PCDHGA11: variants seen among roughly 807,000 people sequenced by gnomAD.
PCDHGA11 encodes protocadherin gamma-A11.
Under a neutral mutation model 60.4 loss-of-function variants are expected in PCDHGA11, and 39 were observed. That is an observed-to-expected ratio of 0.65 (90% CI 0.50 to 0.84). The LOEUF (loss-of-function observed/expected upper bound fraction) is 0.84, where lower values mean the gene tolerates loss of function less well. Ranked by LOEUF, PCDHGA11 falls within the 40% of genes least tolerant of loss-of-function variation. The probability of loss-of-function intolerance (pLI) is 0.00; values close to 1 mark genes in which losing one functional copy is unlikely to be tolerated. For synonymous variants in PCDHGA11, 533 were observed against 510.3 expected (o/e 1.04, Z -0.60); for missense variants, 1,165 against 1,197.7 (o/e 0.97, Z 0.40).
At chr5:141,449,723 GA>G (rs1432635918) in intron 1 of PCDHGA11, among the ~76,000 whole-genome samples, 2 of 150,880 alleles carry the variant, frequency 1.3e-5, no homozygotes, top group Admixed American at 6.6e-5. Flanking sequence ...TATATGATAT[GA>G]TTTTTTTATG....
At chr5:141,438,136 A>C (rs2097931548) in intron 1 of PCDHGA11, among the ~76,000 whole-genome samples, 1 of 152,186 alleles carries the variant, frequency 6.6e-6, no homozygotes, top group Non-Finnish European at 1.5e-5. Flanking sequence ...TAATGGCAAA[A>C]GATAGCCAGC....
chr5:141,459,687 G>A (rs191874235), intron 1 of PCDHGA11, among the ~76,000 whole-genome samples: 15 of 152,278 alleles, frequency 9.9e-5, no homozygotes, highest in Admixed American at 2.0e-4. Context: ...TGCATAAAGC[G>A]TTCCGCTTGC....
rs1299979776 is a variant in PCDHGA11 at position 141,512,453 on chromosome 5, G to GC, written c.*1282dup. On this transcript the variant is annotated 3_prime_UTR_variant, in exon 4 of 4. Transcript: ENST00000398587. ...TCCTGAAGCCTCAGTCCTTCACCTT[G>GC]CCAGGTGCCGTTTCTCTTCCGTGAA... The GC allele has an allele frequency of 6.5e-6, 1 of 152,880 alleles. No homozygotes were observed. The allele number at this position is 152,880 out of a possible 1,614,324, so 9.5% of individuals were successfully genotyped here.
intron 1 of PCDHGA11, chr5:141,427,536 G>A (rs758610182): frequency 4.8e-6 from 3 of 626,396 alleles, no homozygotes; most frequent in Middle Eastern, 2.5e-4. Flanking sequence ...GGAGTACAAC[G>A]TCACCATCAC....
Position 141,491,307 on chromosome 5 carries a change from C to CCTTA in PCDHGA11, c.2434-3498_2434-3495dup. On this transcript the variant is annotated intron_variant, in intron 1 of 3. Transcript: ENST00000398587. The surrounding 1 kb of genome is among the most constrained non-coding windows in gnomAD (Gnocchi z 6.9). ...TCATACACCCTCCTGAGCGTTCAGA[C>CCTTA]CTTACCCTTTACCTCATTGTGGCTC... 1 of 1,614,152 alleles carries CCTTA rather than the reference C, an allele frequency of 6.2e-7. No individual in the cohort carries two copies. Among genetic ancestry groups the CCTTA allele is most frequent in the Non-Finnish European group, 8.5e-7 (1 of 1,179,986 alleles).
rs2096676817 is a variant in PCDHGA11, at chr5:141,422,833, C to G, written c.1606C>G (p.Arg536Gly). Residue 536 changes from arginine (R) to glycine (G), a missense_variant, in exon 1 of 4, where the codon CGT becomes GGT. Coordinates refer to ENST00000398587, the MANE Select transcript of PCDHGA11 (RefSeq NM_018914.3). ...FRDLELRVIA[R>G]DSGDPPLSSN... Reference sequence around the variant, plus strand: ...AGACTTAGAACTGAGAGTGATAGCACGTGACAGCGGGGACCCGCCCCTCAG... The same window carrying G: ...AGACTTAGAACTGAGAGTGATAGCAGGTGACAGCGGGGACCCGCCCCTCAG... 6.2e-7 allele frequency: 1 copy of G among 1,614,106 alleles called. No homozygotes were observed. The highest frequency in any genetic ancestry group is 1.3e-5 in the African/African-American group (1 of 74,940).
At position 141,476,458 on chromosome 5, in the gene PCDHGA11, C is replaced by A. The variant is rs368153419; in HGVS notation, c.2434-18349C>A. Reference sequence around the variant, plus strand: ...TAACTCTGGAGTTGGTAGTGGAGAACCCGCTGGAGCTGTTCAGCGTGGAAG... The same window carrying A: ...TAACTCTGGAGTTGGTAGTGGAGAAACCGCTGGAGCTGTTCAGCGTGGAAG... On this transcript the variant is annotated intron_variant, in intron 1 of 3. Transcript: ENST00000398587. This position sits in a 1 kb window ranked among gnomAD's most constrained non-coding sequence, Gnocchi z 7.6. 1 of 1,613,928 alleles carries A rather than the reference C, an allele frequency of 6.2e-7. No individual in the cohort carries two copies. Among genetic ancestry groups the A allele is most frequent in the Non-Finnish European group, 8.5e-7 (1 of 1,180,022 alleles).
Position 141,511,253 on chromosome 5 carries a change from A to G in PCDHGA11, c.*80A>G. The G allele has an allele frequency of 1.3e-6, 2 of 1,568,402 alleles. No homozygotes were observed. The highest frequency in any genetic ancestry group is 1.7e-6 in the Non-Finnish European group (2 of 1,157,066). On this transcript the variant is annotated 3_prime_UTR_variant, in exon 4 of 4. Coordinates refer to ENST00000398587, the MANE Select transcript of PCDHGA11 (RefSeq NM_018914.3). ...CTCCTTACCTGCACCCAGGCCTCAG[A>G]GTTTCAGGGCTAACCCCCAGAATAC...
intron 1 of PCDHGA11, among the ~76,000 whole-genome samples, chr5:141,435,232 G>A (rs1317217213): frequency 6.6e-6 from 1 of 152,062 alleles, no homozygotes; most frequent in Non-Finnish European, 1.5e-5. Context: ...TCAAAGTTCA[G>A]TAATTCTTTC....
intron 1 of PCDHGA11, among the ~76,000 whole-genome samples, chr5:141,466,225 C>A (rs925594512): frequency 2.0e-5 from 3 of 152,028 alleles, no homozygotes; most frequent in Admixed American, 6.6e-5. Flanking sequence ...GGCTGGAGTG[C>A]AGTGGCACCA....
Position 141,421,067 on chromosome 5 carries a change from T to G in PCDHGA11, c.-161T>G. The G allele has an allele frequency of 1.4e-5, 8 of 591,772 alleles. No homozygotes were observed. The highest frequency in any genetic ancestry group is 2.3e-5 in the Non-Finnish European group (8 of 347,914). 36.7% of individuals were successfully genotyped at this position (591,772 alleles called of 1,614,324 possible). A position where few individuals can be genotyped will look rare whatever the true frequency, so the allele number is the denominator to read the frequency against. On this transcript the variant is annotated 5_prime_UTR_variant, in exon 1 of 4. The change abolishes an upstream ATG in the 5' untranslated region. Transcript: ENST00000398587. ...CCCGCCTCTACCACACAAAGCGGAA[T>G]GAGATGGATACTCACAGATCCTGAC...
At chr5:141,463,738 G>A (rs1002263384) in intron 1 of PCDHGA11, among the ~76,000 whole-genome samples, 4 of 151,978 alleles carry the variant, frequency 2.6e-5, no homozygotes, top group Admixed American at 2.6e-4. Flanking sequence ...GAGCCACCGC[G>A]CCCGGCCTGC....
At position 141,491,222 on chromosome 5, in the gene PCDHGA11, C is replaced by A. The variant is rs1185734506; in HGVS notation, c.2434-3585C>A. 6.2e-7 allele frequency: 1 copy of A among 1,614,268 alleles called. No homozygotes were observed. Among genetic ancestry groups the A allele is most frequent in the East Asian group, 2.2e-5 (1 of 44,892 alleles). On this transcript the variant is annotated intron_variant, in intron 1 of 3. Transcript: ENST00000398587. This position sits in a 1 kb window ranked among gnomAD's most constrained non-coding sequence, Gnocchi z 6.9. Reference sequence around the variant, plus strand: ...GACCCTTCACTCTCCTCCACAGCCACAGTGCTGCTGGTTCTGGAGGATGAG... The same window carrying A: ...GACCCTTCACTCTCCTCCACAGCCAAAGTGCTGCTGGTTCTGGAGGATGAG...
At chr5:141,482,234 A>G (rs11748256) in intron 1 of PCDHGA11, among the ~76,000 whole-genome samples, 44,758 of 152,044 alleles carry the variant, frequency 0.29, 7,110 homozygotes, top group African/African-American at 0.42. Context: ...GAAATTGCCA[A>G]TATAAGTATA....
Position 141,491,095 on chromosome 5 carries a change from T to C in PCDHGA11, c.2434-3712T>C, listed in dbSNP as rs1366401829. On this transcript the variant is annotated intron_variant, in intron 1 of 3. Coordinates refer to ENST00000398587, the MANE Select transcript of PCDHGA11 (RefSeq NM_018914.3). The surrounding 1 kb of genome is among the most constrained non-coding windows in gnomAD (Gnocchi z 6.9). ...GCCACAGTCCACAGCCCCAGGACTG[T>C]TCCTCGTGTCTACACACACTGGTGA... The C allele has an allele frequency of 3.7e-6, 6 of 1,614,154 alleles. No homozygotes were observed. The highest frequency in any genetic ancestry group is 4.2e-6 in the Non-Finnish European group (5 of 1,180,014).
chr5:141,428,563 G>A, intron 1 of PCDHGA11: 2 of 237,566 alleles, frequency 8.4e-6, no homozygotes, highest in East Asian at 1.1e-4. Flanking sequence ...CCCCCCACAA[G>A]ATCTTTCTAA....
chr5:141,466,809 CA>C (rs1454424644), intron 1 of PCDHGA11, among the ~76,000 whole-genome samples: 1 of 152,102 alleles, frequency 6.6e-6, no homozygotes, highest in Non-Finnish European at 1.5e-5. Flanking sequence ...CCTATTCAGA[CA>C]TGGTATAACA....
chr5:141,460,172 G>T (rs545017378), intron 1 of PCDHGA11, among the ~76,000 whole-genome samples: 1 of 151,852 alleles, frequency 6.6e-6, no homozygotes, highest in South Asian at 2.1e-4. Flanking sequence ...ATATTTTGTG[G>T]ATATTTTATC....
chr5:141,432,753 C>G lies in PCDHGA11; in HGVS notation c.2433+9093C>G. ...ACTGTCACGCTCACCGTGGCCGTGGCCGACAGCATCCCCCAAGTCCTGGCG... is the reference window on the plus strand; with the variant it reads ...ACTGTCACGCTCACCGTGGCCGTGGGCGACAGCATCCCCCAAGTCCTGGCG... On this transcript the variant is annotated intron_variant, in intron 1 of 3. Coordinates refer to ENST00000398587, the MANE Select transcript of PCDHGA11 (RefSeq NM_018914.3). The surrounding 1 kb of genome is among the most constrained non-coding windows in gnomAD (Gnocchi z 6.0). 1 of 1,614,138 alleles carries G rather than the reference C, an allele frequency of 6.2e-7. No individual in the cohort carries two copies. The highest frequency in any genetic ancestry group is 8.5e-7 in the Non-Finnish European group (1 of 1,179,996).
Sources: allele counts gnomAD v4.1 joint callset (sites outside exome capture counted in the v4.1 genomes callset), GRCh38; gene constraint gnomAD v4.1.1; non-coding constraint Gnocchi (gnomAD v3.1); transcripts MANE v1.5; gene names NCBI Gene and HGNC (gene_info 2026-07-23, HGNC 2026-07-21).